RXRA: variants seen among roughly 807,000 people sequenced by gnomAD.
RXRA encodes retinoic acid receptor RXR-alpha.
In RXRA, 5 loss-of-function variants were observed where a neutral mutation model predicts 44.5. The observed-to-expected ratio is 0.11, with a 90% CI of 0.06 to 0.24. The LOEUF (loss-of-function observed/expected upper bound fraction) is 0.24. Ranked by LOEUF, RXRA falls within the 10% of genes least tolerant of loss-of-function variation. The pLI is 1.00. For synonymous variants in RXRA, 291 were observed against 271.4 expected (o/e 1.07, Z -0.71); for missense variants, 412 against 646.5 (o/e 0.64, Z 3.93).
intron 1 of RXRA, among the ~76,000 whole-genome samples, chr9:134,340,231 C>T (rs1225085839): frequency 3.9e-5 from 6 of 152,228 alleles, no homozygotes; most frequent in Non-Finnish European, 1.5e-5. Flanking sequence ...TGCTGTCCGG[C>T]TCCCTCCTTA....
At chr9:134,328,448 G>A (rs1834950062) in intron 1 of RXRA, among the ~76,000 whole-genome samples, 1 of 152,028 alleles carries the variant, frequency 6.6e-6, no homozygotes, top group Non-Finnish European at 1.5e-5. Flanking sequence ...ACTGCCCCAG[G>A]GATCTCCCTG....
At chr9:134,327,503 C>T (rs1296534401) in intron 1 of RXRA, among the ~76,000 whole-genome samples, 2 of 152,098 alleles carry the variant, frequency 1.3e-5, no homozygotes, top group Non-Finnish European at 2.9e-5. Context: ...AAGGGGGAGA[C>T]TTTATAAATT....
chr9:134,331,383 G>A (rs561544515), intron 1 of RXRA, among the ~76,000 whole-genome samples: 10 of 152,358 alleles, frequency 6.6e-5, no homozygotes, highest in African/African-American at 9.6e-5. Flanking sequence ...CCGCTGTGGG[G>A]AGAGCGGGTG....
chr9:134,394,054 C>T (rs1736928705), intron 1 of RXRA, among the ~76,000 whole-genome samples: 2 of 100,712 alleles, frequency 2.0e-5, no homozygotes, highest in Admixed American at 2.0e-4. Context: ...TTCAGCCTGC[C>T]ATCTGCACAG....
intron 1 of RXRA, among the ~76,000 whole-genome samples, chr9:134,340,888 C>T (rs1230334872): frequency 6.6e-6 from 1 of 152,194 alleles, no homozygotes; most frequent in Non-Finnish European, 1.5e-5. Context: ...GCGAATGAGC[C>T]TCATGTGAAC....
chr9:134,413,714 AC>A (rs1831189137), intron 4 of RXRA, among the ~76,000 whole-genome samples: 1 of 151,714 alleles, frequency 6.6e-6, no homozygotes, highest in African/African-American at 2.4e-5. Flanking sequence ...CCTTCCCCAG[AC>A]CCCCTCCCTC....
chr9:134,378,936 C>T lies in RXRA; in HGVS notation c.29-22696C>T, dbSNP rs193116467. On this transcript the variant is annotated intron_variant, in intron 1 of 9. Coordinates refer to ENST00000481739, the MANE Select transcript of RXRA (RefSeq NM_002957.6). ...TCAGATTGTCCTGCTTCATCCTGTG[C>T]CCGGAAGAGAGGTCCTGCTGCTGTC... Among the ~76,000 whole-genome samples the T allele has an allele frequency of 7.9e-3, 1,202 of 152,332 alleles. 14 individuals carry two copies. The highest frequency in any genetic ancestry group is 0.028 in the African/African-American group (1,147 of 41,572).
rs1332529545 is a variant in RXRA, at chr9:134,409,408, G to A, written c.610+289G>A. On this transcript the variant is annotated intron_variant, in intron 4 of 9. Coordinates refer to ENST00000481739, the MANE Select transcript of RXRA (RefSeq NM_002957.6). Reference sequence around the variant, plus strand: ...ACTGCTTAGGTTGGAGAGGTGGAGCGGGGGCATCTTCTGAGCTGTTGGATG... The same window carrying A: ...ACTGCTTAGGTTGGAGAGGTGGAGCAGGGGCATCTTCTGAGCTGTTGGATG... Among the ~76,000 whole-genome samples, 3 of 152,194 alleles carry A rather than the reference G, an allele frequency of 2.0e-5. No individual in the cohort carries two copies. In the East Asian group the frequency reaches 5.8e-4, roughly 29 times the overall value.
intron 1 of RXRA, among the ~76,000 whole-genome samples, chr9:134,347,366 G>A (rs573073659): frequency 1.9e-4 from 29 of 152,356 alleles, no homozygotes; most frequent in Admixed American, 1.3e-3. Context: ...GCGGGTGCTC[G>A]TGGTCAGCCT....
chr9:134,356,346 C>T lies in RXRA; in HGVS notation c.28+29687C>T, dbSNP rs77116193. 1.6e-4 allele frequency among the ~76,000 whole-genome samples: 25 copies of T among 152,238 alleles called. No homozygotes were observed. The South Asian group carries it at 1.7e-3, about 10-fold the overall frequency. On this transcript the variant is annotated intron_variant, in intron 1 of 9. Coordinates refer to ENST00000481739, the MANE Select transcript of RXRA (RefSeq NM_002957.6). Reference sequence around the variant, plus strand: ...GGTAAAAAGCGGGGAAGAGTTTCTACCTTGGATTTTGGTAAGGGGGAGCCA... The same window carrying T: ...GGTAAAAAGCGGGGAAGAGTTTCTATCTTGGATTTTGGTAAGGGGGAGCCA...
At chr9:134,422,990 A>G in intron 6 of RXRA, 1 of 985,436 alleles carries the variant, frequency 1.0e-6, no homozygotes, top group East Asian at 1.1e-4. Flanking sequence ...CTCCACGCGC[A>G]TCACACTCCC....
chr9:134,380,015 C>A, intron 1 of RXRA: 1 of 985,438 alleles, frequency 1.0e-6, no homozygotes, highest in South Asian at 4.7e-5. Context: ...TGAAGCCCAG[C>A]AGGGGCTCCC....
At chr9:134,419,312 T>C (rs1057017910) in intron 5 of RXRA, among the ~76,000 whole-genome samples, 2 of 152,244 alleles carry the variant, frequency 1.3e-5, no homozygotes, top group South Asian at 2.1e-4. Flanking sequence ...AGGACATTAT[T>C]TGGGGGGGAA....
chr9:134,383,984 G>A (rs1024822068), intron 1 of RXRA, among the ~76,000 whole-genome samples: 1 of 152,140 alleles, frequency 6.6e-6, no homozygotes, highest in Non-Finnish European at 1.5e-5. Flanking sequence ...GTTATTATGA[G>A]ACTAGCATGT....
Position 134,432,028 on chromosome 9 carries a change from C to G in RXRA, c.1135+32C>G, listed in dbSNP as rs984359818. 14 of 1,571,558 alleles carry G rather than the reference C, an allele frequency of 8.9e-6. No homozygotes were observed. The African/African-American group carries it at 1.9e-4, about 21-fold the overall frequency. On this transcript the variant is annotated intron_variant, in intron 8 of 9. Transcript: ENST00000481739. The stretch of plus-strand genomic sequence containing the variant: ...CCTTCCTGCCTTGAGGCTTCTGGCC[C>G]CGTTCTCTGGTGGGGCAGAGGTGCC...
chr9:134,367,334 G>T (rs1296216650), intron 1 of RXRA, among the ~76,000 whole-genome samples: 2 of 152,130 alleles, frequency 1.3e-5, no homozygotes, highest in Non-Finnish European at 2.9e-5. Context: ...CGGTGGGGGG[G>T]AGGGTGGTGA....
chr9:134,362,112 G>A (rs886330018), intron 1 of RXRA, among the ~76,000 whole-genome samples: 2 of 152,298 alleles, frequency 1.3e-5, no homozygotes, highest in African/African-American at 4.8e-5. Flanking sequence ...CTGCCTGCTG[G>A]CTCTGCCCGC....
intron 1 of RXRA, among the ~76,000 whole-genome samples, chr9:134,374,960 T>C (rs1830538309): frequency 6.6e-6 from 1 of 152,138 alleles, no homozygotes; most frequent in African/African-American, 2.4e-5. Flanking sequence ...GGTGTCACAA[T>C]GGAGTGGCCA....
Position 134,359,307 on chromosome 9 carries a change from G to A in RXRA, c.28+32648G>A, listed in dbSNP as rs184126689. On this transcript the variant is annotated intron_variant, in intron 1 of 9. Transcript: ENST00000481739. The stretch of plus-strand genomic sequence containing the variant: ...AGATGGGTGTGCTGCTGCCGCCGGC[G>A]GCTCTGAAGTGGGCTTCGAAAGCTT... Among the ~76,000 whole-genome samples the A allele has an allele frequency of 9.1e-3, 1,384 of 152,162 alleles. 8 individuals are homozygous for A. The highest frequency in any genetic ancestry group is 0.015 in the Non-Finnish European group (1,005 of 67,990).
Sources: gnomAD v4.1 joint callset for allele counts (sites outside exome capture counted in the v4.1 genomes callset) on GRCh38, gnomAD v4.1.1 for gene constraint, MANE v1.5 for transcripts, NCBI Gene and HGNC (gene_info 2026-07-23, HGNC 2026-07-21) for gene names.